The following AGAP1 variants were observed in gnomAD, a reference collection of about 807,000 sequenced individuals.
AGAP1 encodes arf-GAP with GTPase, ANK repeat and PH domain-containing protein 1.
Under a neutral mutation model 105.3 loss-of-function variants are expected in AGAP1, and 29 were observed. The observed-to-expected ratio is 0.28, with a 90% confidence interval of 0.21 to 0.38. AGAP1 has a LOEUF of 0.38. AGAP1 is among the 10% of genes least tolerant of loss of function. The probability of loss-of-function intolerance (pLI) is 1.00; values close to 1 mark genes in which losing one functional copy is unlikely to be tolerated. For synonymous variants in AGAP1, 509 were observed against 485.9 expected (o/e 1.05, Z -0.63); for missense variants, 998 against 1,165.1 (o/e 0.86, Z 2.09).
In AGAP1 at chr2:235,799,940, C is replaced by T. The variant is rs1021691882; in HGVS notation, c.957+418C>T. Among the ~76,000 whole-genome samples the T allele has an allele frequency of 6.6e-6, 1 of 151,988 alleles. No homozygotes were observed. Among genetic ancestry groups the T allele is most frequent in the African/African-American group, 2.4e-5 (1 of 41,400 alleles). On this transcript the variant is annotated intron_variant, in intron 8 of 17. Coordinates refer to ENST00000304032, the MANE Select transcript of AGAP1 (RefSeq NM_001037131.3). The surrounding 1 kb of genome is among the most constrained non-coding windows in gnomAD (Gnocchi z 5.0). ...TTCTGCTGGGGTGCCTGGCGCTGCC[C>T]TCGGGGTGGAGGTGGGGGACTGGGA...
At chr2:235,776,759 G>T (rs542397491) in intron 6 of AGAP1, among the ~76,000 whole-genome samples, 8 of 152,288 alleles carry the variant, frequency 5.3e-5, no homozygotes, top group Admixed American at 3.9e-4. Flanking sequence ...TCCAGGCACT[G>T]CAAGCTCGCA....
intron 4 of AGAP1, among the ~76,000 whole-genome samples, chr2:235,742,531 C>G (rs1952651798): frequency 6.6e-6 from 1 of 152,066 alleles, no homozygotes; most frequent in East Asian, 1.9e-4. Context: ...CAGTTTGAGC[C>G]CATGTTCAGT....
intron 13 of AGAP1, among the ~76,000 whole-genome samples, chr2:236,031,686 A>G (rs1000957898): frequency 2.0e-5 from 3 of 152,128 alleles, no homozygotes; most frequent in Non-Finnish European, 4.4e-5. Context: ...GATAGTTGTG[A>G]GGGGGACAGA....
rs1943781297 is a variant in AGAP1, at chr2:235,550,789, T to C, written c.163+55940T>C. Among the ~76,000 whole-genome samples, 2 of 152,160 alleles carry C rather than the reference T, an allele frequency of 1.3e-5. No homozygotes were observed. ...TGTTTATTTATTTTTATCTTATTTT[T>C]TTTGAGATAGAGTCTCACTCTGTTG... On this transcript the variant is annotated intron_variant, in intron 1 of 17. Transcript: ENST00000304032. The surrounding 1 kb of genome is among the most constrained non-coding windows in gnomAD (Gnocchi z 4.6).
chr2:235,854,247 T>G (rs2048593041), intron 9 of AGAP1, among the ~76,000 whole-genome samples: 1 of 152,200 alleles, frequency 6.6e-6, no homozygotes, highest in African/African-American at 2.4e-5. Context: ...GCTGAGAAAC[T>G]TAGGCCTTGT....
At chr2:235,997,663 G>T (rs981276469) in intron 13 of AGAP1, among the ~76,000 whole-genome samples, 2 of 152,176 alleles carry the variant, frequency 1.3e-5, no homozygotes, top group Non-Finnish European at 2.9e-5. Flanking sequence ...AAGCGGTTTT[G>T]AGAGCTTCTC....
At chr2:235,513,522 GAAAAAAAA>G (rs5839595) in intron 1 of AGAP1, among the ~76,000 whole-genome samples, 1 of 73,228 alleles carries the variant, frequency 1.4e-5, no homozygotes, top group South Asian at 5.8e-4. Context: ...CTCCGTCTCA[GAAAAAAAA>G]AAAAAAAAAA....
intron 9 of AGAP1, among the ~76,000 whole-genome samples, chr2:235,839,526 T>C (rs900955253): frequency 5.4e-5 from 8 of 146,954 alleles, no homozygotes; most frequent in African/African-American, 2.2e-4. Context: ...AGCTCAAGGC[T>C]GCAGTGAGCT....
intron 16 of AGAP1, among the ~76,000 whole-genome samples, chr2:236,052,376 T>G (rs1270240854): frequency 6.6e-6 from 1 of 152,034 alleles, no homozygotes; most frequent in Non-Finnish European, 1.5e-5. Context: ...ACACAGCAGA[T>G]CTTCCTCCAA....
In AGAP1 at chr2:235,979,199, G is replaced by T. The variant is rs6715558; in HGVS notation, c.1645+10576G>T. Reference sequence around the variant, plus strand: ...TTGTCCGGGCTAGTCTCAAATCCCTGGTCTCAAGAGATCCTCCCATGTCAG... The same window carrying T: ...TTGTCCGGGCTAGTCTCAAATCCCTTGTCTCAAGAGATCCTCCCATGTCAG... On this transcript the variant is annotated intron_variant, in intron 13 of 17. Coordinates refer to ENST00000304032, the MANE Select transcript of AGAP1 (RefSeq NM_001037131.3). This position sits in a 1 kb window ranked among gnomAD's most constrained non-coding sequence, Gnocchi z 4.5. 8.0e-3 allele frequency among the ~76,000 whole-genome samples: 1,193 copies of T among 149,302 alleles called. 18 individuals carry two copies. The highest frequency in any genetic ancestry group is 0.028 in the African/African-American group (1,147 of 40,454).
At position 235,746,377 on chromosome 2, in the gene AGAP1, C is replaced by CTTTTTTTTTTTTTTTTT. The variant is rs1172393048; in HGVS notation, c.538+1556_538+1572dup. ...GCTTCCTGGAGAGCACCTCCCCCAACTTTTTTTTTTTTTTTTTTTTTTTTT... is the reference window on the plus strand; with the variant it reads ...GCTTCCTGGAGAGCACCTCCCCCAACTTTTTTTTTTTTTTTTTTTTTTTTTTTTTTTTTTTTTTTTTT... On this transcript the variant is annotated intron_variant, in intron 5 of 17. Transcript: ENST00000304032. 7.9e-4 allele frequency among the ~76,000 whole-genome samples: 44 copies of CTTTTTTTTTTTTTTTTT among 55,560 alleles called. 5 individuals carry two copies. Among genetic ancestry groups the CTTTTTTTTTTTTTTTTT allele is most frequent in the East Asian group, 2.3e-3 (4 of 1,710 alleles). 36.4% of individuals were successfully genotyped at this position (55,560 alleles called of 152,430 possible).
rs2056620910 is a variant in AGAP1, at chr2:236,014,381, C to T, written c.1646-22180C>T. On this transcript the variant is annotated intron_variant, in intron 13 of 17. Coordinates refer to ENST00000304032, the MANE Select transcript of AGAP1 (RefSeq NM_001037131.3). This position sits in a 1 kb window ranked among gnomAD's most constrained non-coding sequence, Gnocchi z 6.3. ...CATGAACTGCTCATAACCAGGGTCT[C>T]TTGATTTGACATGCTCCTAATATTT... Among the ~76,000 whole-genome samples the T allele has an allele frequency of 6.6e-6, 1 of 152,202 alleles. No individual in the cohort carries two copies. Among genetic ancestry groups the T allele is most frequent in the South Asian group, 2.1e-4 (1 of 4,830 alleles).
Position 235,572,455 on chromosome 2 carries a change from C to A in AGAP1, c.163+77606C>A, listed in dbSNP as rs74417912. The stretch of plus-strand genomic sequence containing the variant: ...AGCAGGTTCCACCACTGGGCACCAC[C>A]ACCCTTCCCCCGCAGGTGCTCCTCT... On this transcript the variant is annotated intron_variant, in intron 1 of 17. Coordinates refer to ENST00000304032, the MANE Select transcript of AGAP1 (RefSeq NM_001037131.3). 6.2e-3 allele frequency among the ~76,000 whole-genome samples: 942 copies of A among 152,148 alleles called. 9 individuals are homozygous for A. Among genetic ancestry groups the A allele is most frequent in the African/African-American group, 0.022 (898 of 41,510 alleles).
At chr2:235,778,012 CTG>C (rs1319124864) in intron 6 of AGAP1, among the ~76,000 whole-genome samples, 3 of 152,286 alleles carry the variant, frequency 2.0e-5, no homozygotes, top group East Asian at 3.9e-4. Flanking sequence ...GATCTCATAT[CTG>C]TGTGTTTCAC....
chr2:235,566,332 G>A lies in AGAP1; in HGVS notation c.163+71483G>A, dbSNP rs1019656417. On this transcript the variant is annotated intron_variant, in intron 1 of 17. Coordinates refer to ENST00000304032, the MANE Select transcript of AGAP1 (RefSeq NM_001037131.3). This position sits in a 1 kb window ranked among gnomAD's most constrained non-coding sequence, Gnocchi z 5.2. ...TCTCGAACTGCCTTGGCCTCCTAAA[G>A]TGTTGGGATTACAGATATAAGCCAT... Among the ~76,000 whole-genome samples, 2 of 152,122 alleles carry A rather than the reference G, an allele frequency of 1.3e-5. No individual in the cohort carries two copies. The highest frequency in any genetic ancestry group is 2.4e-5 in the African/African-American group (1 of 41,432).
intron 10 of AGAP1, among the ~76,000 whole-genome samples, chr2:235,886,923 C>G (rs1356944756): frequency 6.6e-6 from 1 of 152,132 alleles, no homozygotes; most frequent in Non-Finnish European, 1.5e-5. Context: ...AGGGGAAGTG[C>G]TGACCCACAC....
At chr2:235,629,880 AAAAG>A (rs1461355746) in intron 1 of AGAP1, among the ~76,000 whole-genome samples, 4 of 151,058 alleles carry the variant, frequency 2.6e-5, no homozygotes, top group Admixed American at 1.3e-4. Context: ...AAAAAAAAAA[AAAAG>A]AAAGAACAGA....
intron 6 of AGAP1, among the ~76,000 whole-genome samples, chr2:235,783,100 AGT>A: frequency 6.6e-6 from 1 of 151,748 alleles, no homozygotes; most frequent in Non-Finnish European, 1.5e-5. Flanking sequence ...TTGTTTTCAA[AGT>A]GTTCACCATG....
At chr2:235,897,918 G>A (rs2124969981) in intron 10 of AGAP1, among the ~76,000 whole-genome samples, 1 of 152,282 alleles carries the variant, frequency 6.6e-6, no homozygotes, top group East Asian at 1.9e-4. Context: ...TCTCAGGTGT[G>A]CCTGTGGCCC....
Sources: gnomAD v4.1 joint callset for allele counts (sites outside exome capture counted in the v4.1 genomes callset) on GRCh38, gnomAD v4.1.1 for gene constraint, Gnocchi (gnomAD v3.1) non-coding constraint, MANE v1.5 for transcripts, NCBI Gene and HGNC (gene_info 2026-07-23, HGNC 2026-07-21) for gene names.